The following PGBD5 variants were observed in gnomAD, a reference collection of about 807,000 sequenced individuals.
The protein encoded by PGBD5 is piggyBac transposable element derived 5.
In PGBD5, 14 loss-of-function variants were observed where a neutral mutation model predicts 47.9. That is an observed-to-expected ratio of 0.29 (90% confidence interval 0.19 to 0.46). The LOEUF (loss-of-function observed/expected upper bound fraction) is 0.46. Ranked by LOEUF, PGBD5 falls within the 20% of genes least tolerant of loss-of-function variation. The probability of loss-of-function intolerance (pLI) is 1.00; values close to 1 mark genes in which losing one functional copy is unlikely to be tolerated. For synonymous variants in PGBD5, 316 were observed against 306.3 expected (o/e 1.03, Z -0.33); for missense variants, 635 against 716.0 (o/e 0.89, Z 1.29).
At chr1:230,368,080 T>C in intron 1 of PGBD5, 1 of 1,367,944 alleles carries the variant, frequency 7.3e-7, no homozygotes, top group South Asian at 1.1e-5. Context: ...GCTCTGTGGT[T>C]GCTTCTGATT....
chr1:230,349,641 CAATA>C (rs1304467628), intron 3 of PGBD5, among the ~76,000 whole-genome samples: 1 of 151,364 alleles, frequency 6.6e-6, no homozygotes, highest in Non-Finnish European at 1.5e-5. Context: ...AGCAGGTGCT[CAATA>C]AATATTTACT....
At chr1:230,392,914 C>T (rs1258990424) in intron 1 of PGBD5, among the ~76,000 whole-genome samples, 1 of 151,530 alleles carries the variant, frequency 6.6e-6, no homozygotes, top group Non-Finnish European at 1.5e-5. Context: ...AGACAGCTCT[C>T]CAACCCCAGC....
chr1:230,369,040 G>T (rs1286582969), intron 1 of PGBD5, among the ~76,000 whole-genome samples: 2 of 152,180 alleles, frequency 1.3e-5, no homozygotes, highest in Non-Finnish European at 2.9e-5. Context: ...AGTGGCACAA[G>T]CCCTGTCTTG....
At chr1:230,415,196 G>A (rs922805530) in intron 1 of PGBD5, among the ~76,000 whole-genome samples, 1 of 151,894 alleles carries the variant, frequency 6.6e-6, no homozygotes, top group African/African-American at 2.4e-5. Flanking sequence ...GACTGCTTGA[G>A]CCCAGGAGTT....
At chr1:230,351,882 A>G (rs1464153281) in intron 2 of PGBD5, among the ~76,000 whole-genome samples, 1 of 152,236 alleles carries the variant, frequency 6.6e-6, no homozygotes, top group Non-Finnish European at 1.5e-5. Context: ...TAAAGAAAAA[A>G]GAGATGGCAT....
At chr1:230,352,301 T>C (rs1667571366) in intron 2 of PGBD5, among the ~76,000 whole-genome samples, 1 of 152,158 alleles carries the variant, frequency 6.6e-6, no homozygotes. Flanking sequence ...CAGAAAAAGT[T>C]TGAACAAATC....
chr1:230,425,899 C>G lies in PGBD5; in HGVS notation c.30G>C (p.Arg10Ser). 1 of 1,167,154 alleles carries G rather than the reference C, an allele frequency of 8.6e-7. No individual in the cohort carries two copies. Among genetic ancestry groups the G allele is most frequent in the Non-Finnish European group, 1.1e-6 (1 of 947,692 alleles). 72.3% of individuals were successfully genotyped at this position (1,167,154 alleles called of 1,614,324 possible). A position where few individuals can be genotyped will look rare whatever the true frequency, so the allele number is the denominator to read the frequency against. MAEGGGGAR[R>S]RAPALLEAAR... is the part of the protein sequence containing the mutation. ...CAGCCTCGAGCAGCGCCGGCGCCCT[C>G]CTCCGCGCGCCCCCGCCGCCCTCGG... is the stretch of plus-strand genomic sequence containing the variant. Residue 10 changes from arginine to serine, a missense_variant, in exon 1 of 7, where the codon AGG (arginine) becomes AGC (serine). Arg to Ser is a moderately radical substitution (Grantham distance 110, BLOSUM62 -1). Transcript: ENST00000391860. This position sits in a 1 kb window ranked among gnomAD's most constrained non-coding sequence, Gnocchi z 4.7.
At chr1:230,374,229 C>T (rs1415494359) in intron 1 of PGBD5, among the ~76,000 whole-genome samples, 10 of 152,164 alleles carry the variant, frequency 6.6e-5, no homozygotes, top group African/African-American at 2.4e-4. Flanking sequence ...CCAGCCTGAC[C>T]AACACGGTGA....
At position 230,332,946 on chromosome 1, in the gene PGBD5, C is replaced by G. The variant is rs1662809163; in HGVS notation, c.1171G>C (p.Gly391Arg). The G allele has an allele frequency of 2.5e-6, 4 of 1,614,038 alleles. No individual in the cohort carries two copies. The highest frequency in any genetic ancestry group is 3.4e-6 in the Non-Finnish European group (4 of 1,180,016). The change falls in exon 5 of 7, where the codon GGC (glycine) becomes CGC (arginine). Residue 391 changes from glycine (G) to arginine (R), a missense_variant. Transcript: ENST00000391860. ...LTNPATPPARGQYQIKMKGNM... is the reference protein window; with the variant it reads ...LTNPATPPARRQYQIKMKGNM... ...CCCTTCATCTTGATTTGGTACTGGC[C>G]CCGGGCCGGGGGTGTGGCTGGGTTG...
chr1:230,337,330 G>A (rs1368331670), intron 3 of PGBD5, 42 bp from the exon 4 acceptor site: 9 of 1,526,996 alleles, frequency 5.9e-6, no homozygotes, highest in East Asian at 2.4e-5. Flanking sequence ...TCACAGCAGT[G>A]TCAGGCTGGG....
At position 230,356,939 on chromosome 1, in the gene PGBD5, G is replaced by A; in HGVS notation, c.714C>T (p.Ser238=). The part of the protein sequence containing the change: ...GLYKVQPFLD[S]LQNSFDSAFR... ...AGGCAGAGTCGAAGCTGTTCTGCAG[G>A]GAGTCGAGGAAGGGCTGGACCTTGT... Residue 238 remains serine, a synonymous_variant, in exon 2 of 7, where the codon TCC becomes TCT. Transcript: ENST00000391860. 6.2e-7 allele frequency: 1 copy of A among 1,614,184 alleles called. No homozygotes were observed. The highest frequency in any genetic ancestry group is 8.5e-7 in the Non-Finnish European group (1 of 1,180,034).
intron 1 of PGBD5, among the ~76,000 whole-genome samples, chr1:230,394,687 T>A (rs1306212009): frequency 7.7e-6 from 1 of 130,500 alleles, no homozygotes; most frequent in Non-Finnish European, 1.6e-5. Flanking sequence ...CCCACCTTCC[T>A]CCCTTCCTCT....
chr1:230,354,758 T>C (rs1325547098), intron 2 of PGBD5, among the ~76,000 whole-genome samples: 1 of 152,088 alleles, frequency 6.6e-6, no homozygotes, highest in Non-Finnish European at 1.5e-5. Context: ...TGCATCAACA[T>C]CTCTTCGGCT....
At chr1:230,327,102 C>A (rs7523232) in intron 5 of PGBD5, among the ~76,000 whole-genome samples, 2 of 151,948 alleles carry the variant, frequency 1.3e-5, no homozygotes, top group East Asian at 1.9e-4. Flanking sequence ...AGACGGACGC[C>A]TTCTTCCTAA....
chr1:230,334,733 C>G (rs903985837), intron 4 of PGBD5, among the ~76,000 whole-genome samples: 3 of 152,194 alleles, frequency 2.0e-5, no homozygotes, highest in Admixed American at 2.0e-4. Flanking sequence ...TACATGATGA[C>G]GCCCTGGGTG....
intron 1 of PGBD5, among the ~76,000 whole-genome samples, chr1:230,370,577 C>A (rs1484727921): frequency 6.6e-6 from 1 of 152,216 alleles, no homozygotes; most frequent in Non-Finnish European, 1.5e-5. Context: ...CTATTCTTAA[C>A]ACCCATTTAT....
intron 1 of PGBD5, among the ~76,000 whole-genome samples, chr1:230,358,572 C>T (rs1363600075): frequency 6.6e-6 from 1 of 151,790 alleles, no homozygotes; most frequent in East Asian, 1.9e-4. Flanking sequence ...CCTTTGAATA[C>T]ACACACACAC....
intron 1 of PGBD5, among the ~76,000 whole-genome samples, chr1:230,383,169 G>A (rs188980477): frequency 1.3e-5 from 2 of 151,446 alleles, no homozygotes; most frequent in African/African-American, 2.4e-5. Flanking sequence ...TCACAGGCTC[G>A]AGCAATCCTC....
At chr1:230,397,878 A>G (rs1342058655) in intron 1 of PGBD5, among the ~76,000 whole-genome samples, 2 of 152,222 alleles carry the variant, frequency 1.3e-5, no homozygotes, top group South Asian at 2.1e-4. Flanking sequence ...GAGAGCACAG[A>G]GCTGGCTTTG....
Sources: gnomAD v4.1 joint callset for allele counts (sites outside exome capture counted in the v4.1 genomes callset) on GRCh38, gnomAD v4.1.1 for gene constraint, Gnocchi (gnomAD v3.1) non-coding constraint, MANE v1.5 for transcripts, NCBI Gene and HGNC (gene_info 2026-07-23, HGNC 2026-07-21) for gene names.